Variants in CDH13 observed in about 807,000 individuals in gnomAD.
The protein encoded by CDH13 is cadherin-13.
Under a neutral mutation model 63.8 loss-of-function variants are expected in CDH13, and 24 were observed. The ratio of observed to expected loss-of-function variants is 0.38; its 90% CI spans 0.27 to 0.53. CDH13 has a LOEUF of 0.53. Ranked by LOEUF, CDH13 falls within the 20% of genes least tolerant of loss-of-function variation. CDH13 has a pLI of 0.85. For missense variants in CDH13, 1,049 were observed against 903.1 expected (o/e 1.16, Z -2.07); for synonymous variants, 503 against 355.3 (o/e 1.42, Z -4.67).
chr16:82,869,937 AC>A (rs1294157199), intron 2 of CDH13, among the ~76,000 whole-genome samples: 5 of 152,146 alleles, frequency 3.3e-5, no homozygotes, highest in African/African-American at 1.2e-4. Context: ...ATTTCTTAAG[AC>A]CTGAGAAGCA....
intron 2 of CDH13, among the ~76,000 whole-genome samples, chr16:82,974,278 A>T (rs891769077): frequency 6.6e-6 from 1 of 152,132 alleles, no homozygotes; most frequent in African/African-American, 2.4e-5. Context: ...CAGGGTGCAA[A>T]CATCCAGGCT....
In CDH13 at chr16:82,807,017, A is replaced by G. The variant is rs111451917; in HGVS notation, c.46-51345A>G. ...AGCTATCTTTGAGAAAGTAAGACTG[A>G]TAAGGTTTTCAGTCCAAATGACAAG... On this transcript the variant is annotated intron_variant, in intron 1 of 13. Coordinates refer to ENST00000567109, the MANE Select transcript of CDH13 (RefSeq NM_001257.5). Among the ~76,000 whole-genome samples, 8 of 152,202 alleles carry G rather than the reference A, an allele frequency of 5.3e-5. 1 individual carries two copies. The highest frequency in any genetic ancestry group is 1.9e-4 in the African/African-American group (8 of 41,540).
chr16:82,755,789 C>G (rs966991210), intron 1 of CDH13, among the ~76,000 whole-genome samples: 4 of 152,152 alleles, frequency 2.6e-5, no homozygotes, highest in African/African-American at 7.2e-5. Context: ...TATGTCCATT[C>G]TTTGGCCTTA....
At chr16:83,099,392 C>G (rs193183349) in intron 3 of CDH13, among the ~76,000 whole-genome samples, 1 of 151,872 alleles carries the variant, frequency 6.6e-6, no homozygotes, top group Non-Finnish European at 1.5e-5. Context: ...GGTGCAATCT[C>G]AGCTCATTGC....
chr16:83,012,494 C>G (rs1296479592), intron 2 of CDH13, among the ~76,000 whole-genome samples: 4 of 152,074 alleles, frequency 2.6e-5, no homozygotes, highest in Non-Finnish European at 4.4e-5. Flanking sequence ...AATGGTTTCA[C>G]TTACACAGTG....
intron 8 of CDH13, among the ~76,000 whole-genome samples, chr16:83,626,602 T>C (rs1303739943): frequency 1.3e-5 from 2 of 152,060 alleles, no homozygotes; most frequent in African/African-American, 2.4e-5. Context: ...TCTGAATGGT[T>C]CCTTTAGCTG....
At chr16:83,225,292 CAT>C (rs1208829885) in intron 5 of CDH13, among the ~76,000 whole-genome samples, 1 of 152,180 alleles carries the variant, frequency 6.6e-6, no homozygotes, top group Admixed American at 6.6e-5. Flanking sequence ...GGTGGGGTAA[CAT>C]GTGCCTCAAC....
At chr16:83,289,215 T>C (rs2089405873) in intron 5 of CDH13, among the ~76,000 whole-genome samples, 2 of 152,310 alleles carry the variant, frequency 1.3e-5, no homozygotes, top group Non-Finnish European at 2.9e-5. Context: ...TGTCAGGAAA[T>C]GAACAGTACA....
intron 6 of CDH13, among the ~76,000 whole-genome samples, chr16:83,359,954 C>G (rs2091131023): frequency 1.3e-5 from 2 of 152,190 alleles, no homozygotes; most frequent in South Asian, 2.1e-4. Flanking sequence ...TCCTTATAGT[C>G]TTAGGACACC....
intron 1 of CDH13, among the ~76,000 whole-genome samples, chr16:82,647,136 C>A (rs1293136449): frequency 2.6e-5 from 4 of 152,174 alleles, no homozygotes; most frequent in South Asian, 2.1e-4. Flanking sequence ...AGTTGCTTAA[C>A]CTCTGTGCCT....
chr16:83,187,661 T>C (rs1003388480), intron 4 of CDH13, among the ~76,000 whole-genome samples: 14 of 152,020 alleles, frequency 9.2e-5, no homozygotes, highest in Non-Finnish European at 1.9e-4. Context: ...CAAAAATGCA[T>C]TGAGCTCCAG....
intron 5 of CDH13, among the ~76,000 whole-genome samples, chr16:83,240,566 A>G (rs1904327265): frequency 6.6e-6 from 1 of 151,868 alleles, no homozygotes; most frequent in Non-Finnish European, 1.5e-5. Context: ...GTATGTCTTG[A>G]AAGAGGCATC....
At chr16:83,096,059 A>G (rs2034177050) in intron 3 of CDH13, among the ~76,000 whole-genome samples, 1 of 152,310 alleles carries the variant, frequency 6.6e-6, no homozygotes, top group Admixed American at 6.5e-5. Flanking sequence ...GGAAGCATGC[A>G]GTCACCTTGT....
intron 1 of CDH13, among the ~76,000 whole-genome samples, chr16:82,760,835 C>G (rs550399714): frequency 6.6e-6 from 1 of 151,636 alleles, no homozygotes; most frequent in East Asian, 1.9e-4. Context: ...AGAGAGAGAG[C>G]AAGAGAGAGG....
intron 8 of CDH13, among the ~76,000 whole-genome samples, chr16:83,670,046 A>G (rs1436989828): frequency 6.6e-6 from 1 of 152,208 alleles, no homozygotes; most frequent in Non-Finnish European, 1.5e-5. Context: ...CAAGAATTTG[A>G]GATGTATTAC....
chr16:83,498,246 T>G (rs1369715204), intron 7 of CDH13, among the ~76,000 whole-genome samples: 1 of 152,114 alleles, frequency 6.6e-6, no homozygotes, highest in East Asian at 1.9e-4. Context: ...GAGCTGAGTC[T>G]TGGAGCCAGA....
At position 83,644,449 on chromosome 16, in the gene CDH13, G is replaced by A. The variant is rs139895497; in HGVS notation, c.1102-26341G>A. Among the ~76,000 whole-genome samples the A allele has an allele frequency of 1.1e-3, 172 of 152,214 alleles. 1 individual carries two copies. The highest frequency in any genetic ancestry group is 4.0e-3 in the African/African-American group (164 of 41,518). On this transcript the variant is annotated intron_variant, in intron 8 of 13. Coordinates refer to ENST00000567109, the MANE Select transcript of CDH13 (RefSeq NM_001257.5). ...AAAATGCTTGAATGTACATCTTCAC[G>A]TACATATATGAAAGTCTTTGTAGGA...
At chr16:82,903,133 A>T (rs1597177777) in intron 2 of CDH13, among the ~76,000 whole-genome samples, 1 of 152,254 alleles carries the variant, frequency 6.6e-6, no homozygotes, top group African/African-American at 2.4e-5. Flanking sequence ...AAGTGGTGAA[A>T]CCACCTCAGG....
chr16:82,710,564 T>C lies in CDH13; in HGVS notation c.45+83427T>C, dbSNP rs1176657144. On this transcript the variant is annotated intron_variant, in intron 1 of 13. Transcript: ENST00000567109. ...AAAAAAAAAAAAAAATATATATATA[T>C]ATATATATATATAAATATATTTCTA... Among the ~76,000 whole-genome samples the C allele has an allele frequency of 1.2e-4, 15 of 121,280 alleles. 1 individual carries two copies. The highest frequency in any genetic ancestry group is 9.4e-3 in the Middle Eastern group (2 of 212). The allele number at this position is 121,280 out of a possible 152,430, so 79.6% of individuals were successfully genotyped here.
Sources: allele counts gnomAD v4.1 joint callset (sites outside exome capture counted in the v4.1 genomes callset), GRCh38; gene constraint gnomAD v4.1.1; transcripts MANE v1.5; gene names NCBI Gene and HGNC (gene_info 2026-07-23, HGNC 2026-07-21).